The following SRSF12 variants were observed in gnomAD, a reference collection of about 807,000 sequenced individuals.
The protein encoded by SRSF12 is serine and arginine rich splicing factor 12.
Under a neutral mutation model 34.1 loss-of-function variants are expected in SRSF12, and 21 were observed. That is an observed-to-expected ratio of 0.62 (90% CI 0.44 to 0.89). The LOEUF (loss-of-function observed/expected upper bound fraction) is 0.89. Ranked by LOEUF, SRSF12 falls within the 40% of genes least tolerant of loss-of-function variation. SRSF12 has a pLI of 0.00. For synonymous variants in SRSF12, 111 were observed against 110.8 expected, an observed-to-expected ratio of 1.00 and a Z score of -0.01; for missense variants, 278 against 327.8, an observed-to-expected ratio of 0.85 and a Z score of 1.17.
rs7740132 is a variant in SRSF12 at position 89,097,601 on chromosome 6, G to A, written c.*977C>T. On this transcript the variant is annotated 3_prime_UTR_variant, in exon 5 of 5. Transcript: ENST00000452027. ...TCTCCTGGCCTCAAGCAATCTGCCC[G>A]CCTCGACCTCCCAAAGTGCTGGGAT... 34,643 of 151,710 alleles carry A rather than the reference G, an allele frequency of 0.23. 4,740 individuals carry two copies. Among genetic ancestry groups the A allele is most frequent in the East Asian group, 0.68 (3,499 of 5,146 alleles). 9.4% of individuals were successfully genotyped at this position (151,710 alleles called of 1,614,324 possible).
rs766868282 is a variant in SRSF12, at chr6:89,098,853, T to C, written c.511A>G (p.Arg171Gly). The C allele has an allele frequency of 5.6e-6, 9 of 1,613,872 alleles. No homozygotes were observed. Among genetic ancestry groups the C allele is most frequent in the South Asian group, 1.1e-5 (1 of 91,090 alleles). Reference sequence around the variant, plus strand: ...CGTCCTCTAGAGCCAAAATTCCTTCTTGGAGTTCTTGACTGCCTTGCTGAG... The same window carrying C: ...CGTCCTCTAGAGCCAAAATTCCTTCCTGGAGTTCTTGACTGCCTTGCTGAG... ...STSARQSRTP[R>G]RNFGSRGRSR... Residue 171 changes from arginine to glycine, a missense_variant, in exon 5 of 5, where the codon AGA (arginine) becomes GGA (glycine). Coordinates refer to ENST00000452027, the MANE Select transcript of SRSF12 (RefSeq NM_080743.5).
intron 1 of SRSF12, among the ~76,000 whole-genome samples, chr6:89,116,196 C>T (rs1010143952): frequency 1.3e-5 from 2 of 152,188 alleles, no homozygotes; most frequent in Non-Finnish European, 2.9e-5. Flanking sequence ...CAGCTTCACT[C>T]GTTTATATTA....
In SRSF12 at chr6:89,117,813, G is replaced by A. The variant is rs760672652; in HGVS notation, c.65+10C>T. The A allele has an allele frequency of 6.5e-7, 1 of 1,549,794 alleles. No homozygotes were observed. The highest frequency in any genetic ancestry group is 2.7e-5 in the East Asian group (1 of 37,076). ...CTCCGCGCCCCCAACCTGCAGCCGCGGCCGTTCACCTGGTGGCGTCCGCGA... is the reference window on the plus strand; with the variant it reads ...CTCCGCGCCCCCAACCTGCAGCCGCAGCCGTTCACCTGGTGGCGTCCGCGA... On this transcript the variant is annotated intron_variant, in intron 1 of 4. Coordinates refer to ENST00000452027, the MANE Select transcript of SRSF12 (RefSeq NM_080743.5).
At position 89,105,218 on chromosome 6, in the gene SRSF12, G is replaced by A; in HGVS notation, c.317C>T (p.Pro106Leu). The change falls in exon 4 of 5, where the codon CCA becomes CTA. Residue 106 changes from proline (P) to leucine (L), a missense_variant. By Grantham distance (98) the Pro-to-Leu change is moderately conservative. Coordinates refer to ENST00000452027, the MANE Select transcript of SRSF12 (RefSeq NM_080743.5). ...GCTTCTTGATCTCCTGTGATCACTT[G>A]GAGAACAAGGATGACGTTCTTTTGA... ...MKSKERHPCS[P>L]SDHRRSRSPS... The A allele has an allele frequency of 3.1e-6, 5 of 1,611,606 alleles. No homozygotes were observed. The highest frequency in any genetic ancestry group is 4.2e-6 in the Non-Finnish European group (5 of 1,178,460).
At chr6:89,109,916 C>G (rs986650359) in intron 1 of SRSF12, among the ~76,000 whole-genome samples, 2 of 152,034 alleles carry the variant, frequency 1.3e-5, no homozygotes, top group African/African-American at 4.8e-5. Flanking sequence ...AGGGTGAAAC[C>G]CCATCTCTAC....
intron 2 of SRSF12, 153 bp from the exon 3 acceptor site, chr6:89,105,683 T>G (rs991906142): frequency 3.6e-5 from 18 of 493,956 alleles, no homozygotes; most frequent in African/African-American, 3.4e-4. Flanking sequence ...GAAAAAAAAC[T>G]TTCACTTTTT....
At chr6:89,117,765 G>A (rs1769383012) in intron 1 of SRSF12, 58 bp downstream of exon 1, 29 of 1,488,162 alleles carry the variant, frequency 1.9e-5, no homozygotes, top group Admixed American at 4.6e-5. Context: ...GTGCTCCGCG[G>A]CGCGGCTGTT....
At position 89,104,102 on chromosome 6, in the gene SRSF12, G is replaced by A. The variant is rs140952241; in HGVS notation, c.416+1017C>T. The stretch of plus-strand genomic sequence containing the variant: ...TACTCCCACCTCAGCCTCCCAAAGT[G>A]CTGAGATTATGGCACCTGGACATTT... On this transcript the variant is annotated intron_variant, in intron 4 of 4. Coordinates refer to ENST00000452027, the MANE Select transcript of SRSF12 (RefSeq NM_080743.5). Among the ~76,000 whole-genome samples the A allele has an allele frequency of 7.1e-3, 1,047 of 147,534 alleles. 7 individuals carry two copies. Among genetic ancestry groups the A allele is most frequent in the African/African-American group, 0.025 (988 of 39,716 alleles).
At chr6:89,110,186 T>TC (rs967867243) in intron 1 of SRSF12, among the ~76,000 whole-genome samples, 17 of 152,172 alleles carry the variant, frequency 1.1e-4, no homozygotes, top group Non-Finnish European at 2.1e-4. Context: ...CAATGGAGGG[T>TC]CTTGCCTATG....
At chr6:89,109,537 A>G (rs1175798123) in intron 1 of SRSF12, among the ~76,000 whole-genome samples, 1 of 152,188 alleles carries the variant, frequency 6.6e-6, no homozygotes, top group East Asian at 1.9e-4. Flanking sequence ...CCATCAACCA[A>G]ATGTAGTGGC....
chr6:89,113,754 C>T (rs1769164260), intron 1 of SRSF12, among the ~76,000 whole-genome samples: 1 of 152,120 alleles, frequency 6.6e-6, no homozygotes, highest in Admixed American at 6.6e-5. Flanking sequence ...GGCGATCCTC[C>T]CACGTCAGCC....
chr6:89,108,416 TACAG>T (rs1249539664), intron 1 of SRSF12, among the ~76,000 whole-genome samples: 4 of 152,186 alleles, frequency 2.6e-5, no homozygotes, highest in Admixed American at 1.3e-4. Flanking sequence ...TTACAGGTGA[TACAG>T]ACAGAGTAAC....
At chr6:89,100,545 A>G (rs1239196932) in intron 4 of SRSF12, among the ~76,000 whole-genome samples, 1 of 151,646 alleles carries the variant, frequency 6.6e-6, no homozygotes, top group African/African-American at 2.4e-5. Context: ...AACAGGCAAG[A>G]ATAACTAAAA....
At chr6:89,109,964 G>A (rs1206914426) in intron 1 of SRSF12, among the ~76,000 whole-genome samples, 4 of 152,026 alleles carry the variant, frequency 2.6e-5, no homozygotes, top group African/African-American at 9.7e-5. Context: ...GGTGGCGGGC[G>A]CCTGTAGTCC....
intron 1 of SRSF12, among the ~76,000 whole-genome samples, chr6:89,114,828 G>A (rs768897559): frequency 2.6e-5 from 4 of 151,898 alleles, no homozygotes; most frequent in African/African-American, 4.8e-5. Flanking sequence ...ACAGAGTCTC[G>A]CCCTGTCGCC....
In SRSF12 at chr6:89,117,871, C is replaced by T; in HGVS notation, c.17G>A (p.Arg6Lys). The part of the protein sequence containing the change: MSRYT[R>K]PPNTSLFIRN... ...GATGAACAGGGAGGTGTTGGGGGGC[C>T]TCGTGTAGCGAGACATGACCGCTTC... Residue 6 changes from arginine to lysine, a missense_variant, in exon 1 of 5, where the codon AGG becomes AAG. Arg to Lys is a conservative substitution (Grantham distance 26, BLOSUM62 2). Coordinates refer to ENST00000452027, the MANE Select transcript of SRSF12 (RefSeq NM_080743.5). 6.4e-7 allele frequency: 1 copy of T among 1,562,758 alleles called. No individual in the cohort carries two copies. Among genetic ancestry groups the T allele is most frequent in the Non-Finnish European group, 8.6e-7 (1 of 1,156,774 alleles).
intron 4 of SRSF12, among the ~76,000 whole-genome samples, chr6:89,103,991 CTTTTTTTTTTTT>C (rs55760020): frequency 3.7e-5 from 3 of 81,950 alleles, no homozygotes; most frequent in African/African-American, 9.4e-5. Flanking sequence ...TATTATATTT[CTTTTTTTTTTTT>C]TTTTTTTTTT....
chr6:89,103,712 G>A (rs889286578), intron 4 of SRSF12, among the ~76,000 whole-genome samples: 4 of 151,846 alleles, frequency 2.6e-5, no homozygotes, highest in East Asian at 1.9e-4. Flanking sequence ...CACCCGCCTT[G>A]GCCTCCCAAA....
At position 89,111,036 on chromosome 6, in the gene SRSF12, C is replaced by T. The variant is rs537610789; in HGVS notation, c.66-3778G>A. On this transcript the variant is annotated intron_variant, in intron 1 of 4. Coordinates refer to ENST00000452027, the MANE Select transcript of SRSF12 (RefSeq NM_080743.5). Reference sequence around the variant, plus strand: ...CTGAGGAAGAAGAATCACTTGAGCCCAGGAGTTTGAGACTGCACTGAGCTA... The same window carrying T: ...CTGAGGAAGAAGAATCACTTGAGCCTAGGAGTTTGAGACTGCACTGAGCTA... Among the ~76,000 whole-genome samples, 3 of 151,970 alleles carry T rather than the reference C, an allele frequency of 2.0e-5. No homozygotes were observed. In the East Asian group the frequency reaches 5.8e-4, roughly 29 times the overall value.
Sources: gnomAD v4.1 joint callset for allele counts (sites outside exome capture counted in the v4.1 genomes callset) on GRCh38, gnomAD v4.1.1 for gene constraint, MANE v1.5 for transcripts, NCBI Gene and HGNC (gene_info 2026-07-23, HGNC 2026-07-21) for gene names.